PCBP3: variants seen among roughly 807,000 people sequenced by gnomAD.
PCBP3 encodes poly(rC)-binding protein 3.
PCBP3 carries 25 observed loss-of-function variants against 52.7 expected under a neutral mutation model. The observed-to-expected ratio is 0.47, with a 90% CI of 0.35 to 0.66. PCBP3 has a LOEUF of 0.66. Ranked by LOEUF, PCBP3 falls within the 30% of genes least tolerant of loss-of-function variation. The probability of loss-of-function intolerance (pLI) is 0.01; values close to 1 mark genes in which losing one functional copy is unlikely to be tolerated. For missense variants in PCBP3, 391 were observed against 490.3 expected (o/e 0.80, Z 1.91); for synonymous variants, 162 against 183.0 (o/e 0.89, Z 0.93).
intron 4 of PCBP3, among the ~76,000 whole-genome samples, chr21:45,801,517 G>C (rs2146749378): frequency 6.6e-6 from 1 of 152,348 alleles, no homozygotes; most frequent in South Asian, 2.1e-4. Flanking sequence ...ATGGGTTTCA[G>C]AGAGGGGCCA....
intron 2 of PCBP3, among the ~76,000 whole-genome samples, chr21:45,678,318 A>AAT (rs2081599042): frequency 1.3e-5 from 2 of 150,632 alleles, no homozygotes; most frequent in Admixed American, 6.6e-5. Flanking sequence ...AAAAAAAAAA[A>AAT]AATAATAATA....
intron 5 of PCBP3, among the ~76,000 whole-genome samples, chr21:45,870,597 C>T (rs1266558405): frequency 6.6e-6 from 1 of 152,204 alleles, no homozygotes; most frequent in Non-Finnish European, 1.5e-5. Context: ...GCTGGAAGCT[C>T]CTGGGGTCTG....
intron 5 of PCBP3, among the ~76,000 whole-genome samples, chr21:45,879,432 C>G (rs767964790): frequency 2.0e-5 from 3 of 152,140 alleles, no homozygotes; most frequent in African/African-American, 4.8e-5. Flanking sequence ...TACAAATGAT[C>G]CATGCCGAGT....
rs561021333 is a variant in PCBP3, at chr21:45,699,522, A to G, written c.-200+30570A>G. Among the ~76,000 whole-genome samples, 36 of 152,352 alleles carry G rather than the reference A, an allele frequency of 2.4e-4. No homozygotes were observed. In the South Asian group the frequency reaches 6.4e-3, roughly 27 times the overall value. ...TCCAGAGTCACATATAGCTTGTCATATCTGGAACTCTAGCCCTTACCCAGT... is the reference window on the plus strand; with the variant it reads ...TCCAGAGTCACATATAGCTTGTCATGTCTGGAACTCTAGCCCTTACCCAGT... On this transcript the variant is annotated intron_variant, in intron 2 of 17. Transcript: ENST00000681687.
At chr21:45,876,914 C>T (rs1235278255) in intron 5 of PCBP3, among the ~76,000 whole-genome samples, 1 of 152,222 alleles carries the variant, frequency 6.6e-6, no homozygotes, top group African/African-American at 2.4e-5. Flanking sequence ...CCCCAGATGG[C>T]GCTTTGCTGG....
intron 5 of PCBP3, among the ~76,000 whole-genome samples, chr21:45,876,136 G>A (rs2148706575): frequency 6.6e-6 from 1 of 152,342 alleles, no homozygotes; most frequent in African/African-American, 2.4e-5. Flanking sequence ...CACCGATGGA[G>A]CGGTCAGGGG....
chr21:45,701,716 A>T (rs2083138947), intron 2 of PCBP3, among the ~76,000 whole-genome samples: 1 of 152,046 alleles, frequency 6.6e-6, no homozygotes, highest in Non-Finnish European at 1.5e-5. Context: ...GTGCGCCACC[A>T]CACCAGCCTA....
intron 5 of PCBP3, among the ~76,000 whole-genome samples, chr21:45,857,130 G>A (rs1284754017): frequency 4.6e-5 from 7 of 152,176 alleles, no homozygotes; most frequent in Admixed American, 3.9e-4. Context: ...GGGCCTGGGA[G>A]AAAAAGATCA....
chr21:45,890,640 C>T (rs2095632713), intron 5 of PCBP3, among the ~76,000 whole-genome samples: 1 of 56,964 alleles, frequency 1.8e-5, no homozygotes, highest in Non-Finnish European at 3.3e-5. Flanking sequence ...CTGTGCACTG[C>T]TGAGGGGAAT....
At chr21:45,888,760 T>A (rs2095582732) in intron 5 of PCBP3, among the ~76,000 whole-genome samples, 1 of 152,238 alleles carries the variant, frequency 6.6e-6, no homozygotes, top group East Asian at 1.9e-4. Context: ...CATGGAATGA[T>A]TATAAAGTTT....
intron 5 of PCBP3, among the ~76,000 whole-genome samples, chr21:45,881,271 G>A (rs1393895334): frequency 6.6e-6 from 1 of 152,190 alleles, no homozygotes; most frequent in Non-Finnish European, 1.5e-5. Flanking sequence ...AATGGTTATA[G>A]CATGTAATTC....
Position 45,817,178 on chromosome 21 carries a change from C to G in PCBP3, c.-125-32783C>G, listed in dbSNP as rs941308644. 2.0e-5 allele frequency among the ~76,000 whole-genome samples: 3 copies of G among 152,118 alleles called. No homozygotes were observed. The highest frequency in any genetic ancestry group is 6.5e-5 in the Admixed American group (1 of 15,284). ...TTTACCGAAACTTCATGTCATGGCT[C>G]GGTCGAACTTTGTCAAGGAAAGTCT... On this transcript the variant is annotated intron_variant, in intron 4 of 17. Coordinates refer to ENST00000681687, the MANE Select transcript of PCBP3 (RefSeq NM_001384156.1). This position sits in a 1 kb window ranked among gnomAD's most constrained non-coding sequence, Gnocchi z 4.3.
chr21:45,667,206 C>T (rs2080868490), intron 1 of PCBP3, among the ~76,000 whole-genome samples: 2 of 151,440 alleles, frequency 1.3e-5, no homozygotes, highest in South Asian at 2.1e-4. Flanking sequence ...TGAGTTCTCA[C>T]TATGTTGCCC....
At chr21:45,729,168 T>C (rs1343485236) in intron 2 of PCBP3, among the ~76,000 whole-genome samples, 5 of 152,212 alleles carry the variant, frequency 3.3e-5, no homozygotes, top group African/African-American at 9.7e-5. Context: ...AATAATGCAA[T>C]ATATAACCTT....
At chr21:45,730,707 T>G (rs2085391922) in intron 2 of PCBP3, among the ~76,000 whole-genome samples, 1 of 152,148 alleles carries the variant, frequency 6.6e-6, no homozygotes, top group African/African-American at 2.4e-5. Flanking sequence ...TTAAGCTCTT[T>G]ATTAGGTGTG....
At chr21:45,851,371 G>A (rs1329957703) in intron 5 of PCBP3, among the ~76,000 whole-genome samples, 1 of 152,206 alleles carries the variant, frequency 6.6e-6, no homozygotes, top group Non-Finnish European at 1.5e-5. Flanking sequence ...AATTAGCCAG[G>A]TGTGGTGGTG....
At chr21:45,725,176 C>T (rs1353881542) in intron 2 of PCBP3, among the ~76,000 whole-genome samples, 2 of 152,134 alleles carry the variant, frequency 1.3e-5, no homozygotes, top group African/African-American at 2.4e-5. Context: ...CCCTGGGCTG[C>T]GGTGCGTTGG....
intron 4 of PCBP3, among the ~76,000 whole-genome samples, chr21:45,811,899 G>T (rs1310030989): frequency 6.6e-6 from 1 of 151,992 alleles, no homozygotes; most frequent in Non-Finnish European, 1.5e-5. Context: ...CTTCTTATAT[G>T]TTTTTTAATT....
intron 2 of PCBP3, among the ~76,000 whole-genome samples, chr21:45,702,903 A>G (rs964049578): frequency 3.9e-5 from 6 of 152,178 alleles, no homozygotes; most frequent in South Asian, 2.1e-4. Context: ...AAGCTTATGT[A>G]ATATTAATAT....
Sources: gnomAD v4.1 joint callset for allele counts (sites outside exome capture counted in the v4.1 genomes callset) on GRCh38, gnomAD v4.1.1 for gene constraint, Gnocchi (gnomAD v3.1) non-coding constraint, MANE v1.5 for transcripts, NCBI Gene and HGNC (gene_info 2026-07-23, HGNC 2026-07-21) for gene names.